HS6ST3: variants seen among roughly 807,000 people sequenced by gnomAD.
HS6ST3 encodes the protein heparan sulfate 6-O-sulfotransferase 3.
Under a neutral mutation model 36.7 loss-of-function variants are expected in HS6ST3, and 12 were observed. The ratio of observed to expected loss-of-function variants is 0.33; its 90% confidence interval spans 0.21 to 0.53. The LOEUF (loss-of-function observed/expected upper bound fraction) is 0.53, where lower values mean the gene tolerates loss of function less well. HS6ST3 is among the 20% of genes least tolerant of loss of function. The pLI is 0.95. For missense variants in HS6ST3, 584 were observed against 640.9 expected (o/e 0.91, Z 0.96); for synonymous variants, 240 against 257.5 (o/e 0.93, Z 0.65).
chr13:96,464,138 C>CAAA (rs67305199), intron 1 of HS6ST3, among the ~76,000 whole-genome samples: 481 of 38,752 alleles, frequency 0.012, 31 homozygotes, highest in African/African-American at 0.027. Context: ...TGTCAGGCCT[C>CAAA]AAAAAAAAAA....
chr13:96,736,417 T>C (rs1321098253), intron 1 of HS6ST3, among the ~76,000 whole-genome samples: 2 of 152,166 alleles, frequency 1.3e-5, no homozygotes, highest in East Asian at 3.9e-4. Flanking sequence ...AGAGTGCAGT[T>C]CTAACAGTGG....
At chr13:96,574,014 C>T (rs1292225788) in intron 1 of HS6ST3, 1 of 542,572 alleles carries the variant, frequency 1.8e-6, no homozygotes, top group African/African-American at 1.9e-5. Flanking sequence ...CCTAGATTCA[C>T]CAATGACCCC....
chr13:96,639,073 A>C (rs2056560958), intron 1 of HS6ST3, among the ~76,000 whole-genome samples: 1 of 152,020 alleles, frequency 6.6e-6, no homozygotes, highest in African/African-American at 2.4e-5. Context: ...TGTTAGGTCC[A>C]GTTGGTTTGT....
At chr13:96,673,027 G>T (rs2056687497) in intron 1 of HS6ST3, among the ~76,000 whole-genome samples, 1 of 152,110 alleles carries the variant, frequency 6.6e-6, no homozygotes, top group Non-Finnish European at 1.5e-5. Context: ...TGTCAACAGG[G>T]CCATGCTCCT....
intron 1 of HS6ST3, among the ~76,000 whole-genome samples, chr13:96,578,988 G>A (rs1003942244): frequency 6.6e-6 from 1 of 152,114 alleles, no homozygotes; most frequent in African/African-American, 2.4e-5. Flanking sequence ...CATTAAAAGA[G>A]TATGTCTTTG....
chr13:96,335,321 A>G (rs1335441131), intron 1 of HS6ST3, among the ~76,000 whole-genome samples: 1 of 152,182 alleles, frequency 6.6e-6, no homozygotes, highest in East Asian at 1.9e-4. Context: ...TGACCAAGGT[A>G]GGCATTCCAA....
At chr13:96,688,928 C>T (rs968304127) in intron 1 of HS6ST3, among the ~76,000 whole-genome samples, 2 of 152,030 alleles carry the variant, frequency 1.3e-5, no homozygotes, top group Non-Finnish European at 2.9e-5. Context: ...GAAATCCTGT[C>T]CTCCCAGAGG....
intron 1 of HS6ST3, among the ~76,000 whole-genome samples, chr13:96,761,960 T>A (rs771722290): frequency 6.6e-6 from 1 of 152,100 alleles, no homozygotes; most frequent in African/African-American, 2.4e-5. Context: ...ATGAAATGAA[T>A]GAGTATAATA....
At chr13:96,217,886 G>GGATA (rs916279258) in intron 1 of HS6ST3, among the ~76,000 whole-genome samples, 11 of 151,988 alleles carry the variant, frequency 7.2e-5, no homozygotes, top group South Asian at 2.1e-4. Flanking sequence ...ATGGATGGAT[G>GGATA]GATAGATAGA....
intron 1 of HS6ST3, among the ~76,000 whole-genome samples, chr13:96,822,899 A>T (rs776247860): frequency 1.3e-5 from 2 of 152,220 alleles, no homozygotes; most frequent in Non-Finnish European, 2.9e-5. Context: ...GATTCCACAA[A>T]TGTTTAGTCT....
intron 1 of HS6ST3, among the ~76,000 whole-genome samples, chr13:96,145,199 T>C (rs1213709603): frequency 6.7e-6 from 1 of 150,070 alleles, no homozygotes; most frequent in Admixed American, 6.6e-5. Flanking sequence ...AAATGGTATT[T>C]CTAGTTCTAG....
chr13:96,597,642 T>G (rs969108573), intron 1 of HS6ST3, among the ~76,000 whole-genome samples: 1 of 152,136 alleles, frequency 6.6e-6, no homozygotes, highest in Admixed American at 6.6e-5. Context: ...GGGTGTCTGT[T>G]TACTCTGTAG....
Position 96,719,101 on chromosome 13 carries a change from C to A in HS6ST3, c.708-113389C>A, listed in dbSNP as rs150434300. 3.6e-4 allele frequency among the ~76,000 whole-genome samples: 54 copies of A among 152,100 alleles called. 1 individual carries two copies. Among genetic ancestry groups the A allele is most frequent in the Admixed American group, 2.6e-3 (39 of 15,284 alleles). Reference sequence around the variant, plus strand: ...CATCCTGGCTAACACGGTTAAACCCCATCTCGACTAAAAATACAAAAAATT... The same window carrying A: ...CATCCTGGCTAACACGGTTAAACCCAATCTCGACTAAAAATACAAAAAATT... On this transcript the variant is annotated intron_variant, in intron 1 of 1. Transcript: ENST00000376705.
At position 96,271,502 on chromosome 13, in the gene HS6ST3, G is replaced by A. The variant is rs1028772139; in HGVS notation, c.707+179933G>A. Among the ~76,000 whole-genome samples the A allele has an allele frequency of 2.0e-5, 3 of 151,984 alleles. No individual in the cohort carries two copies. The South Asian group carries it at 6.2e-4, about 31-fold the overall frequency. On this transcript the variant is annotated intron_variant, in intron 1 of 1. Coordinates refer to ENST00000376705, the MANE Select transcript of HS6ST3 (RefSeq NM_153456.4). ...TATTCAATGCCTGTATTCCCCATGAGTATGTAAGCTCCTAAAGGCAGGGAC... is the reference window on the plus strand; with the variant it reads ...TATTCAATGCCTGTATTCCCCATGAATATGTAAGCTCCTAAAGGCAGGGAC...
At chr13:96,315,862 C>T (rs997720582) in intron 1 of HS6ST3, among the ~76,000 whole-genome samples, 5 of 152,070 alleles carry the variant, frequency 3.3e-5, no homozygotes, top group African/African-American at 1.2e-4. Context: ...TTCATGAAGT[C>T]AGTGGGTTTT....
intron 1 of HS6ST3, among the ~76,000 whole-genome samples, chr13:96,390,816 T>C (rs1000042248): frequency 5.9e-5 from 9 of 152,322 alleles, no homozygotes; most frequent in East Asian, 1.9e-4. Flanking sequence ...AGCCTCTTAA[T>C]TGACCACCAG....
intron 1 of HS6ST3, among the ~76,000 whole-genome samples, chr13:96,462,497 CA>C (rs1477430698): frequency 6.6e-6 from 1 of 152,168 alleles, no homozygotes; most frequent in Admixed American, 6.5e-5. Context: ...GGGATCTATA[CA>C]AAACCTACAA....
chr13:96,609,126 C>G (rs1023319181), intron 1 of HS6ST3, among the ~76,000 whole-genome samples: 4 of 141,208 alleles, frequency 2.8e-5, no homozygotes, highest in African/African-American at 9.9e-5. Context: ...CCCGCCACCA[C>G]GCCCAGCTAA....
At chr13:96,550,559 T>A (rs540026807) in intron 1 of HS6ST3, among the ~76,000 whole-genome samples, 51 of 152,294 alleles carry the variant, frequency 3.3e-4, no homozygotes, top group Middle Eastern at 3.4e-3. Flanking sequence ...ACTGAAGCCA[T>A]GTCATCTTTG....
Sources: allele counts gnomAD v4.1 joint callset (sites outside exome capture counted in the v4.1 genomes callset), GRCh38; gene constraint gnomAD v4.1.1; transcripts MANE v1.5; gene names NCBI Gene and HGNC (gene_info 2026-07-23, HGNC 2026-07-21).